AKT3: variants seen among roughly 807,000 people sequenced by gnomAD.
AKT3 encodes RAC-gamma serine/threonine-protein kinase.
Under a neutral mutation model 65.3 loss-of-function variants are expected in AKT3, and 15 were observed. That is an observed-to-expected ratio of 0.23 (90% CI 0.15 to 0.35). The LOEUF (loss-of-function observed/expected upper bound fraction) is 0.35, where lower values mean the gene tolerates loss of function less well. Among genes scored for constraint, AKT3 ranks in the 10% least tolerant of loss-of-function variants. The pLI is 1.00. For synonymous variants in AKT3, 206 were observed against 183.8 expected, an observed-to-expected ratio of 1.12 and a Z score of -0.98; for missense variants, 243 against 576.5, an observed-to-expected ratio of 0.42 and a Z score of 5.92.
intron 3 of AKT3, among the ~76,000 whole-genome samples, chr1:243,685,140 G>C (rs1182708928): frequency 1.3e-5 from 2 of 152,144 alleles, no homozygotes; most frequent in East Asian, 3.8e-4. Context: ...TTGCTGTGCA[G>C]AATCTCTTTA....
intron 12 of AKT3, among the ~76,000 whole-genome samples, chr1:243,544,551 G>T (rs2148446686): frequency 6.6e-6 from 1 of 152,246 alleles, no homozygotes; most frequent in South Asian, 2.1e-4. Flanking sequence ...TGGGGAGGTA[G>T]AGGCTGCTGA....
chr1:243,670,083 C>T (rs965370686), intron 3 of AKT3, among the ~76,000 whole-genome samples: 1 of 152,180 alleles, frequency 6.6e-6, no homozygotes, highest in African/African-American at 2.4e-5. Flanking sequence ...AGTAGTATTT[C>T]ATTTATGCTA....
At chr1:243,798,348 T>C (rs1348792391) in intron 2 of AKT3, among the ~76,000 whole-genome samples, 3 of 149,220 alleles carry the variant, frequency 2.0e-5, no homozygotes, top group Non-Finnish European at 4.4e-5. Context: ...ATCTCCCACA[T>C]AGCTGGGACT....
At chr1:243,677,707 G>T (rs1249053771) in intron 3 of AKT3, among the ~76,000 whole-genome samples, 1 of 152,026 alleles carries the variant, frequency 6.6e-6, no homozygotes, top group Non-Finnish European at 1.5e-5. Context: ...AAATAAAAAG[G>T]TAGGTCTACT....
At chr1:243,616,395 A>G (rs1202922120) in intron 6 of AKT3, among the ~76,000 whole-genome samples, 1 of 152,018 alleles carries the variant, frequency 6.6e-6, no homozygotes, top group African/African-American at 2.4e-5. Flanking sequence ...AACCAAAAAT[A>G]AACTAAGAAT....
chr1:243,716,370 A>G (rs1351801619), intron 2 of AKT3, among the ~76,000 whole-genome samples: 2 of 152,204 alleles, frequency 1.3e-5, no homozygotes, highest in Non-Finnish European at 2.9e-5. Flanking sequence ...AAATGTGAAT[A>G]ATTTCTCATA....
intron 2 of AKT3, 30 bp downstream of exon 2, chr1:243,843,095 C>T (rs1355433505): frequency 2.5e-6 from 4 of 1,611,624 alleles, no homozygotes; most frequent in Non-Finnish European, 1.7e-6. Context: ...TCTTACCAAC[C>T]GTATTATTTT....
intron 2 of AKT3, among the ~76,000 whole-genome samples, chr1:243,706,747 T>A (rs1449606299): frequency 6.6e-6 from 1 of 152,182 alleles, no homozygotes; most frequent in Non-Finnish European, 1.5e-5. Flanking sequence ...AACATGAATG[T>A]CCTCAGCCAG....
At chr1:243,630,476 G>A (rs766150595) in intron 6 of AKT3, among the ~76,000 whole-genome samples, 11 of 152,162 alleles carry the variant, frequency 7.2e-5, no homozygotes, top group Non-Finnish European at 1.0e-4. Context: ...GAAATTGGAA[G>A]AAATAAAAAC....
At chr1:243,655,049 C>T (rs1426958630) in intron 4 of AKT3, among the ~76,000 whole-genome samples, 1 of 152,090 alleles carries the variant, frequency 6.6e-6, no homozygotes, top group Non-Finnish European at 1.5e-5. Context: ...TTCTAAGGCT[C>T]CAGTTATATA....
chr1:243,681,734 G>A (rs1018369757), intron 3 of AKT3, among the ~76,000 whole-genome samples: 1 of 152,146 alleles, frequency 6.6e-6, no homozygotes, highest in South Asian at 2.1e-4. Context: ...AGGTGTTAGA[G>A]TTCAAATCAC....
intron 3 of AKT3, among the ~76,000 whole-genome samples, chr1:243,684,472 G>A (rs1295792526): frequency 6.6e-6 from 1 of 152,034 alleles, no homozygotes; most frequent in Non-Finnish European, 1.5e-5. Flanking sequence ...CCATGTCCCT[G>A]CAAAGGACAT....
Position 243,560,481 on chromosome 1 carries a change from G to C in AKT3, c.948+3239C>G, listed in dbSNP as rs566159363. 5.1e-4 allele frequency among the ~76,000 whole-genome samples: 77 copies of C among 152,124 alleles called. No homozygotes were observed. In the South Asian group the frequency reaches 0.016, roughly 31 times the overall value. On this transcript the variant is annotated intron_variant, in intron 10 of 13. Transcript: ENST00000673466. ...GTGACACAACATTTAAAATATAAAA[G>C]TTACAATTTCGTAAGTTGTTTCAAG...
chr1:243,786,453 G>A (rs1377024337), intron 2 of AKT3, among the ~76,000 whole-genome samples: 3 of 152,194 alleles, frequency 2.0e-5, no homozygotes, highest in South Asian at 2.1e-4. Context: ...AGGAATGGTG[G>A]TATTGTTGTT....
intron 8 of AKT3, among the ~76,000 whole-genome samples, chr1:243,608,731 TTAAG>T (rs1271393648): frequency 6.9e-6 from 1 of 145,850 alleles, no homozygotes; most frequent in African/African-American, 2.5e-5. Flanking sequence ...TCTACAGTAA[TTAAG>T]TTTTTTGCTT....
At chr1:243,819,166 G>A (rs1311410303) in intron 2 of AKT3, among the ~76,000 whole-genome samples, 3 of 152,204 alleles carry the variant, frequency 2.0e-5, no homozygotes, top group Non-Finnish European at 2.9e-5. Context: ...TCATCACTGC[G>A]GCTGCCTGCT....
At chr1:243,702,806 A>G (rs1449565380) in intron 2 of AKT3, 1 of 152,210 alleles carries the variant, frequency 6.6e-6, no homozygotes, top group African/African-American at 2.4e-5. Flanking sequence ...TTTGAATATC[A>G]GGATATCAGA....
At position 243,719,971 on chromosome 1, in the gene AKT3, T is replaced by G. The variant is rs1158279458; in HGVS notation, c.47-24255A>C. Among the ~76,000 whole-genome samples, 3 of 152,182 alleles carry G rather than the reference T, an allele frequency of 2.0e-5. No homozygotes were observed. In the East Asian group the frequency reaches 5.8e-4, roughly 29 times the overall value. On this transcript the variant is annotated intron_variant, in intron 2 of 13. Transcript: ENST00000673466. ...TGTATGTTCTTAAATACTTACTTAA[T>G]AACCTTGGTGTTAAGAGAGAGACAT...
chr1:243,497,832 C>G (rs534838906), downstream of AKT3, among the ~76,000 whole-genome samples: 12 of 152,236 alleles, frequency 7.9e-5, 1 homozygote, highest in South Asian at 2.1e-3. Context: ...GGGTGCGCCA[C>G]CACACATGGC....
Sources: gnomAD v4.1 joint callset for allele counts (sites outside exome capture counted in the v4.1 genomes callset) on GRCh38, gnomAD v4.1.1 for gene constraint, MANE v1.5 for transcripts, NCBI Gene and HGNC (gene_info 2026-07-23, HGNC 2026-07-21) for gene names.